NPR3: variants seen among roughly 807,000 people sequenced by gnomAD.
NPR3 encodes the protein atrial natriuretic peptide receptor 3.
NPR3 carries 34 observed loss-of-function variants against 54.5 expected under a neutral mutation model. That is an observed-to-expected ratio of 0.62 (90% CI 0.47 to 0.83). NPR3 has a LOEUF of 0.83. NPR3 is among the 40% of genes least tolerant of loss of function. The pLI is 0.00. For synonymous variants in NPR3, 289 were observed against 297.1 expected, an observed-to-expected ratio of 0.97 and a Z score of 0.28; for missense variants, 674 against 720.8, an observed-to-expected ratio of 0.94 and a Z score of 0.74.
chr5:32,761,455 C>T lies in NPR3; in HGVS notation c.1060-13253C>T, dbSNP rs12659385. ...TGCTATTGGACACAGAATAAAACAA[C>T]CATTTCCAATTGTTCATTGCTAGTA... On this transcript the variant is annotated intron_variant, in intron 3 of 7. Coordinates refer to ENST00000265074, the MANE Select transcript of NPR3 (RefSeq NM_001204375.2). Among the ~76,000 whole-genome samples, 40 of 152,148 alleles carry T rather than the reference C, an allele frequency of 2.6e-4. 1 individual carries two copies. The East Asian group carries it at 7.3e-3, about 28-fold the overall frequency.
intron 3 of NPR3, 144 bp downstream of exon 3, chr5:32,739,174 T>C (rs943789812): frequency 6.9e-5 from 49 of 707,904 alleles, no homozygotes; most frequent in Non-Finnish European, 8.7e-6. Flanking sequence ...TCTGTGTGTG[T>C]GTGTGTGTGT....
In NPR3 at chr5:32,711,574, T is replaced by TTTTTG; in HGVS notation, c.-201_-200insTTGTT. The TTTTTG allele has an allele frequency of 8.1e-7, 1 of 1,241,668 alleles. No individual in the cohort carries two copies. Among genetic ancestry groups the TTTTTG allele is most frequent in the South Asian group, 4.1e-5 (1 of 24,434 alleles). 76.9% of individuals were successfully genotyped at this position (1,241,668 alleles called of 1,614,324 possible). ...TTTTTCTTTTTCTTTTTCTTTTTTT[T>TTTTTG]TTAAGAAAAACTAGTGACATTGCAG... On this transcript the variant is annotated 5_prime_UTR_variant, in exon 1 of 8. Transcript: ENST00000265074.
chr5:32,774,740 C>T lies in NPR3; in HGVS notation c.1092C>T (p.Ala364=). Residue 364 remains alanine (A), a synonymous_variant, in exon 4 of 8, where the codon GCC becomes GCT. Coordinates refer to ENST00000265074, the MANE Select transcript of NPR3 (RefSeq NM_001204375.2). ...VNMFVEGFHD[A]ILLYVLALHE... is the part of the protein sequence containing the mutation. ...TGTTTGTTGAAGGATTCCACGATGC[C>T]ATCCTCCTCTACGTCTTGGCTCTAC... is the stretch of plus-strand genomic sequence containing the variant. 6.2e-7 allele frequency: 1 copy of T among 1,609,816 alleles called. No homozygotes were observed. Among genetic ancestry groups the T allele is most frequent in the Non-Finnish European group, 8.5e-7 (1 of 1,176,066 alleles).
intron 1 of NPR3, among the ~76,000 whole-genome samples, chr5:32,696,736 GTATTT>G (rs1373686550): frequency 6.6e-6 from 1 of 151,906 alleles, no homozygotes; most frequent in East Asian, 1.9e-4. Flanking sequence ...TAATTCCTAG[GTATTT>G]TATTTTATTT....
Position 32,744,125 on chromosome 5 carries a change from T to C in NPR3, c.1059+5095T>C, listed in dbSNP as rs548715111. On this transcript the variant is annotated intron_variant, in intron 3 of 7. Transcript: ENST00000265074. ...CTCCTGCCTCAGCCTCCCAAGTAGC[T>C]GAGATTACAGGCACGTGCCGCCACG... Among the ~76,000 whole-genome samples the C allele has an allele frequency of 1.4e-4, 21 of 151,818 alleles. No individual in the cohort carries two copies. The South Asian group carries it at 4.2e-3, about 30-fold the overall frequency.
intron 1 of NPR3, among the ~76,000 whole-genome samples, chr5:32,718,255 GT>G (rs1387172392): frequency 6.6e-6 from 1 of 152,186 alleles, no homozygotes; most frequent in Non-Finnish European, 1.5e-5. Context: ...TTGTAGTATA[GT>G]TTGAAGTCAG....
At chr5:32,701,036 C>T (rs1737773584) in intron 1 of NPR3, among the ~76,000 whole-genome samples, 1 of 152,202 alleles carries the variant, frequency 6.6e-6, no homozygotes, top group Admixed American at 6.5e-5. Context: ...GTTCCTCTTT[C>T]TCCACATCCT....
intron 1 of NPR3, among the ~76,000 whole-genome samples, chr5:32,696,484 C>T (rs753752209): frequency 4.0e-5 from 6 of 151,238 alleles, no homozygotes; most frequent in African/African-American, 1.2e-4. Context: ...TTGGCTATTC[C>T]GAGTCTTTTG....
chr5:32,763,652 A>G (rs1456119307), intron 3 of NPR3, among the ~76,000 whole-genome samples: 2 of 152,012 alleles, frequency 1.3e-5, no homozygotes, highest in African/African-American at 4.8e-5. Flanking sequence ...AAACATATTT[A>G]TAATAGCTGC....
upstream of NPR3, among the ~76,000 whole-genome samples, chr5:32,707,652 G>A (rs980324218): frequency 5.9e-5 from 9 of 152,082 alleles, no homozygotes; most frequent in African/African-American, 2.2e-4. Flanking sequence ...GCTTCACAGG[G>A]GTATTCTCGA....
chr5:32,780,706 G>A lies in NPR3; in HGVS notation c.1196-16G>A, dbSNP rs368264350. ...TTAAGTAACCAACGTTGAGTTCTTC[G>A]CTTCTGGTCCTGTAGGTATCGCCGG... On this transcript the variant is annotated splice_polypyrimidine_tract_variant and intron_variant, in intron 4 of 7. Transcript: ENST00000265074. 38 of 1,207,944 alleles carry A rather than the reference G, an allele frequency of 3.1e-5. No homozygotes were observed. Among genetic ancestry groups the A allele is most frequent in the Admixed American group, 5.0e-5 (3 of 59,496 alleles). The allele number at this position is 1,207,944 out of a possible 1,614,324, so 74.8% of individuals were successfully genotyped here.
chr5:32,722,261 A>G (rs930159568), intron 1 of NPR3, among the ~76,000 whole-genome samples: 3 of 152,202 alleles, frequency 2.0e-5, no homozygotes, highest in Admixed American at 2.0e-4. Context: ...TATCTCTTAG[A>G]TGGATGCCTA....
At chr5:32,764,553 C>T (rs554631004) in intron 3 of NPR3, among the ~76,000 whole-genome samples, 13 of 151,908 alleles carry the variant, frequency 8.6e-5, no homozygotes, top group Non-Finnish European at 1.2e-4. Flanking sequence ...TTTGGGAGGC[C>T]GAGGCGGGTG....
intron 7 of NPR3, among the ~76,000 whole-genome samples, chr5:32,785,544 C>T (rs1484486354): frequency 6.6e-6 from 1 of 152,202 alleles, no homozygotes. Flanking sequence ...CAACTTCCCC[C>T]TTCTCAGGCT....
At chr5:32,713,326 G>A (rs1738366972) in intron 1 of NPR3, 2 of 985,446 alleles carry the variant, frequency 2.0e-6, no homozygotes, top group Non-Finnish European at 2.4e-6. Flanking sequence ...GTCTTTGGGT[G>A]TTGGAATAAA....
Position 32,774,606 on chromosome 5 carries a change from A to G in NPR3, c.1060-102A>G, listed in dbSNP as rs1026690838. On this transcript the variant is annotated intron_variant, in intron 3 of 7. Coordinates refer to ENST00000265074, the MANE Select transcript of NPR3 (RefSeq NM_001204375.2). ...CTTCTGCCCACCTCTGCCATGGCTAACAGACCTGAAGTCTAACTTGTTAAC... is the reference window on the plus strand; with the variant it reads ...CTTCTGCCCACCTCTGCCATGGCTAGCAGACCTGAAGTCTAACTTGTTAAC... 6 of 851,348 alleles carry G rather than the reference A, an allele frequency of 7.0e-6. No individual in the cohort carries two copies. In the African/African-American group the frequency reaches 9.9e-5, roughly 14 times the overall value. 52.7% of individuals were successfully genotyped at this position (851,348 alleles called of 1,614,324 possible). A position where few individuals can be genotyped will look rare whatever the true frequency, so the allele number is the denominator to read the frequency against.
chr5:32,714,704 C>T (rs1738459471), intron 1 of NPR3, among the ~76,000 whole-genome samples: 1 of 152,184 alleles, frequency 6.6e-6, no homozygotes, highest in African/African-American at 2.4e-5. Context: ...AATCATCCTT[C>T]CACCCCGAAA....
chr5:32,696,980 A>C (rs192482621), intron 1 of NPR3, among the ~76,000 whole-genome samples: 1 of 152,116 alleles, frequency 6.6e-6, no homozygotes. Flanking sequence ...GATGCCCTTT[A>C]TTTCTTTCTC....
Position 32,724,690 on chromosome 5 carries a change from T to G in NPR3, c.770-8T>G, listed in dbSNP as rs1192728617. On this transcript the variant is annotated splice_region_variant and splice_polypyrimidine_tract_variant and intron_variant, in intron 1 of 7. Coordinates refer to ENST00000265074, the MANE Select transcript of NPR3 (RefSeq NM_001204375.2). Reference sequence around the variant, plus strand: ...GTGCCTCATGTGTGTTGTTTGTTCCTCCCCTAGTGGTGATCATGTGTGCGA... The same window carrying G: ...GTGCCTCATGTGTGTTGTTTGTTCCGCCCCTAGTGGTGATCATGTGTGCGA... 2 of 1,613,786 alleles carry G rather than the reference T, an allele frequency of 1.2e-6. No individual in the cohort carries two copies. The highest frequency in any genetic ancestry group is 3.3e-5 in the Admixed American group (2 of 60,002).
Sources: allele counts gnomAD v4.1 joint callset (sites outside exome capture counted in the v4.1 genomes callset), GRCh38; gene constraint gnomAD v4.1.1; transcripts MANE v1.5; gene names NCBI Gene and HGNC (gene_info 2026-07-23, HGNC 2026-07-21).